Variants in KITLG observed in about 807,000 individuals in gnomAD.
KITLG encodes c-Kit ligand.
Under a neutral mutation model 34.1 loss-of-function variants are expected in KITLG, and 13 were observed. The ratio of observed to expected loss-of-function variants is 0.38; its 90% CI spans 0.25 to 0.61. The LOEUF (loss-of-function observed/expected upper bound fraction) is 0.61, where lower values mean the gene tolerates loss of function less well. Among genes scored for constraint, KITLG ranks in the 20% least tolerant of loss-of-function variants. The pLI is 0.60. For missense variants in KITLG, 292 were observed against 318.9 expected (o/e 0.92, Z 0.64); for synonymous variants, 110 against 104.0 (o/e 1.06, Z -0.35).
At position 88,578,050 on chromosome 12, in the gene KITLG, C is replaced by T. The variant is rs554231305; in HGVS notation, c.15+2214G>A. Reference sequence around the variant, plus strand: ...AGGATAACATTAGAATCAGAACAATCGATCCTATTTCTTAATGTCCAATTT... The same window carrying T: ...AGGATAACATTAGAATCAGAACAATTGATCCTATTTCTTAATGTCCAATTT... On this transcript the variant is annotated intron_variant, in intron 1 of 9. Transcript: ENST00000644744. 5.3e-5 allele frequency among the ~76,000 whole-genome samples: 8 copies of T among 152,206 alleles called. No individual in the cohort carries two copies. In the Middle Eastern group the frequency reaches 0.014, roughly 259 times the overall value.
At chr12:88,535,549 G>C (rs761753930) in intron 2 of KITLG, among the ~76,000 whole-genome samples, 1 of 152,128 alleles carries the variant, frequency 6.6e-6, no homozygotes, top group East Asian at 1.9e-4. Context: ...CTGGGGCTCA[G>C]CACATCTACC....
chr12:88,543,270 C>A (rs766179365), intron 2 of KITLG, among the ~76,000 whole-genome samples: 1 of 152,138 alleles, frequency 6.6e-6, no homozygotes, highest in South Asian at 2.1e-4. Flanking sequence ...CAGGCCCCCA[C>A]CCCCCAACAG....
intron 2 of KITLG, among the ~76,000 whole-genome samples, chr12:88,542,588 A>T (rs1870555567): frequency 6.6e-6 from 1 of 152,052 alleles, no homozygotes; most frequent in Non-Finnish European, 1.5e-5. Flanking sequence ...GAAATTAGTA[A>T]GTTAGGATAG....
intron 1 of KITLG, among the ~76,000 whole-genome samples, chr12:88,552,365 T>A (rs1052383899): frequency 6.6e-6 from 1 of 151,176 alleles, no homozygotes; most frequent in Non-Finnish European, 1.5e-5. Context: ...TTTTTTTGTA[T>A]TTTTGGTAGA....
Position 88,527,184 on chromosome 12 carries a change from G to T in KITLG, c.192+5257C>A, listed in dbSNP as rs200387411. On this transcript the variant is annotated intron_variant, in intron 3 of 9. Coordinates refer to ENST00000644744, the MANE Select transcript of KITLG (RefSeq NM_000899.5). ...TGCCCAGCTAGATCACTACAGTCTT[G>T]GAGGCCTTGTTGAAGCAGCTCCTTT... Among the ~76,000 whole-genome samples, 46 of 152,190 alleles carry T rather than the reference G, an allele frequency of 3.0e-4. No individual in the cohort carries two copies. In the East Asian group the frequency reaches 7.1e-3, roughly 24 times the overall value.
At chr12:88,539,751 A>G (rs1486437460) in intron 2 of KITLG, among the ~76,000 whole-genome samples, 1 of 152,000 alleles carries the variant, frequency 6.6e-6, no homozygotes, top group Middle Eastern at 3.2e-3. Context: ...GTGAGAGTCC[A>G]TCTCAAGAAA....
intron 3 of KITLG, among the ~76,000 whole-genome samples, chr12:88,529,447 A>T (rs560283402): frequency 6.6e-6 from 1 of 152,324 alleles, no homozygotes; most frequent in South Asian, 2.1e-4. Flanking sequence ...TAAGTGGTTG[A>T]TCACACCCTG....
intron 2 of KITLG, among the ~76,000 whole-genome samples, chr12:88,544,454 AAACT>A (rs1032807028): frequency 1.4e-4 from 22 of 152,122 alleles, no homozygotes; most frequent in Admixed American, 7.9e-4. Context: ...CTTGGGTCAC[AAACT>A]AACAAGCAAC....
rs73437199 is a variant in KITLG, at chr12:88,493,594, T to G, written c.*3625A>C. The G allele has an allele frequency of 2.0e-3, 304 of 152,052 alleles. 1 individual carries two copies. The highest frequency in any genetic ancestry group is 7.2e-3 in the African/African-American group (300 of 41,546). 9.4% of individuals were successfully genotyped at this position (152,052 alleles called of 1,614,324 possible). ...TTTACTTTAGATTTCTTATCCCACT[T>G]TCCAATTTTAAAGTGTAATTAATGA... is the stretch of plus-strand genomic sequence containing the variant. On this transcript the variant is annotated 3_prime_UTR_variant, in exon 10 of 10. Transcript: ENST00000644744.
At position 88,494,819 on chromosome 12, in the gene KITLG, C is replaced by G. The variant is rs1284736790; in HGVS notation, c.*2400G>C. 1 of 152,070 alleles carries G rather than the reference C, an allele frequency of 6.6e-6. No individual in the cohort carries two copies. Among genetic ancestry groups the G allele is most frequent in the African/African-American group, 2.4e-5 (1 of 41,420 alleles). 9.4% of individuals were successfully genotyped at this position (152,070 alleles called of 1,614,324 possible). On this transcript the variant is annotated 3_prime_UTR_variant, in exon 10 of 10. Coordinates refer to ENST00000644744, the MANE Select transcript of KITLG (RefSeq NM_000899.5). ...AAAAGGCGATTTCATGGTTTACTAT[C>G]TCAGCAGTGAGTTTTCCATGATTTA... is the stretch of plus-strand genomic sequence containing the variant.
At chr12:88,568,909 T>C (rs905775703) in intron 1 of KITLG, among the ~76,000 whole-genome samples, 4 of 152,096 alleles carry the variant, frequency 2.6e-5, no homozygotes, top group African/African-American at 9.7e-5. Context: ...TTTACAGAAG[T>C]TTAAGAGAAG....
At chr12:88,507,444 A>G (rs962183382) in intron 6 of KITLG, among the ~76,000 whole-genome samples, 1 of 152,186 alleles carries the variant, frequency 6.6e-6, no homozygotes, top group Non-Finnish European at 1.5e-5. Flanking sequence ...GACTTATACT[A>G]TCAAGCAAAT....
chr12:88,500,824 G>T (rs541803334), intron 9 of KITLG, among the ~76,000 whole-genome samples: 2 of 152,098 alleles, frequency 1.3e-5, no homozygotes, highest in Admixed American at 1.3e-4. Context: ...CTATCACCCA[G>T]GTTGGAATGC....
intron 9 of KITLG, 30 bp downstream of exon 9, chr12:88,505,128 GA>G (rs374899207): frequency 8.5e-5 from 99 of 1,158,274 alleles, no homozygotes; most frequent in Middle Eastern, 2.0e-4. Flanking sequence ...ATAAAAAAAA[GA>G]AAAAAAAAGG....
intron 3 of KITLG, among the ~76,000 whole-genome samples, chr12:88,529,934 A>C (rs138393103): frequency 2.6e-3 from 398 of 152,214 alleles, no homozygotes; most frequent in African/African-American, 9.0e-3. Context: ...TCAATAGTAG[A>C]TTTTTCTCAA....
At chr12:88,498,040 A>G (rs1868708356) in intron 9 of KITLG, among the ~76,000 whole-genome samples, 1 of 152,216 alleles carries the variant, frequency 6.6e-6, no homozygotes, top group South Asian at 2.1e-4. Flanking sequence ...ACTTGTGTTA[A>G]TCTACTAGCT....
intron 2 of KITLG, among the ~76,000 whole-genome samples, chr12:88,543,859 T>C (rs925659011): frequency 1.3e-5 from 2 of 152,222 alleles, no homozygotes; most frequent in Admixed American, 6.5e-5. Flanking sequence ...CTAAAAACTT[T>C]ATCTTCCTTA....
intron 9 of KITLG, among the ~76,000 whole-genome samples, chr12:88,501,869 T>C (rs1868872724): frequency 6.6e-6 from 1 of 152,190 alleles, no homozygotes; most frequent in Non-Finnish European, 1.5e-5. Context: ...ATCATTTATA[T>C]GTGCACAGTA....
intron 9 of KITLG, among the ~76,000 whole-genome samples, chr12:88,498,389 A>G (rs1868721825): frequency 6.6e-6 from 1 of 152,222 alleles, no homozygotes; most frequent in South Asian, 2.1e-4. Flanking sequence ...TAGAAGCTAG[A>G]CAACCTGTAT....
Sources: allele counts gnomAD v4.1 joint callset (sites outside exome capture counted in the v4.1 genomes callset), GRCh38; gene constraint gnomAD v4.1.1; transcripts MANE v1.5; gene names NCBI Gene and HGNC (gene_info 2026-07-23, HGNC 2026-07-21).